The following RANBP17 variants were observed in gnomAD, a reference collection of about 807,000 sequenced individuals.
RANBP17 encodes RAN binding protein 17, also known as ran-binding protein 17.
RANBP17 carries 158 observed loss-of-function variants against 141.2 expected under a neutral mutation model. That is an observed-to-expected ratio of 1.12 (90% CI 0.98 to 1.28). The LOEUF is 1.28. RANBP17 is among the 50% of genes most tolerant of loss of function. The probability of loss-of-function intolerance (pLI) is 0.00; values close to 1 mark genes in which losing one functional copy is unlikely to be tolerated. For missense variants in RANBP17, 1,438 were observed against 1,290.7 expected (o/e 1.11, Z -1.75); for synonymous variants, 430 against 450.0 (o/e 0.96, Z 0.56).
At chr5:170,933,503 G>A (rs574171238) in intron 12 of RANBP17, among the ~76,000 whole-genome samples, 26 of 152,248 alleles carry the variant, frequency 1.7e-4, no homozygotes, top group African/African-American at 6.0e-4. Context: ...TAATTGTGAT[G>A]TTAGGGTGTC....
intron 14 of RANBP17, among the ~76,000 whole-genome samples, chr5:171,050,724 A>G (rs1782901579): frequency 6.6e-6 from 1 of 152,096 alleles, no homozygotes; most frequent in African/African-American, 2.4e-5. Flanking sequence ...ATATTGTTAC[A>G]TTTATTTAAA....
chr5:170,945,941 G>A lies in RANBP17; in HGVS notation c.1469-7656G>A, dbSNP rs551883460. ...GGTTAGGACTCATAATGTGTTAAAC[G>A]CTTAAGAGATTGTTGGATTATAAGA... On this transcript the variant is annotated intron_variant, in intron 12 of 27. Transcript: ENST00000523189. 2.6e-5 allele frequency among the ~76,000 whole-genome samples: 4 copies of A among 152,202 alleles called. No homozygotes were observed. In the South Asian group the frequency reaches 8.3e-4, roughly 32 times the overall value.
At chr5:171,129,669 A>T (rs917374515) in intron 14 of RANBP17, among the ~76,000 whole-genome samples, 1 of 152,234 alleles carries the variant, frequency 6.6e-6, no homozygotes, top group African/African-American at 2.4e-5. Flanking sequence ...CTGCGAAATT[A>T]TGTCACAGAA....
At chr5:171,038,162 T>TTTTGTG (rs1554085878) in intron 14 of RANBP17, among the ~76,000 whole-genome samples, 241 of 144,838 alleles carry the variant, frequency 1.7e-3, no homozygotes, top group African/African-American at 5.3e-3. Flanking sequence ...TTCTTAGGTA[T>TTTTGTG]TGTGTGTGTG....
At chr5:171,121,706 A>G (rs1044403812) in intron 14 of RANBP17, among the ~76,000 whole-genome samples, 2 of 151,902 alleles carry the variant, frequency 1.3e-5, no homozygotes, top group Admixed American at 1.3e-4. Flanking sequence ...AGTCACTGCC[A>G]CTCCTGGGAC....
chr5:171,079,049 A>G (rs1330124001), intron 14 of RANBP17, among the ~76,000 whole-genome samples: 2 of 152,242 alleles, frequency 1.3e-5, no homozygotes, highest in East Asian at 1.9e-4. Flanking sequence ...CATTCTGGAT[A>G]CCACTAAGAA....
At chr5:170,868,062 G>A (rs1767419740) in intron 1 of RANBP17, among the ~76,000 whole-genome samples, 1 of 152,108 alleles carries the variant, frequency 6.6e-6, no homozygotes, top group African/African-American at 2.4e-5. Flanking sequence ...GCATTCACCT[G>A]TTGATAGTTA....
intron 14 of RANBP17, among the ~76,000 whole-genome samples, chr5:171,163,970 C>G (rs938502809): frequency 2.0e-5 from 3 of 152,134 alleles, no homozygotes; most frequent in Admixed American, 2.0e-4. Flanking sequence ...TATTAACTTA[C>G]TATAATTTTC....
intron 24 of RANBP17, among the ~76,000 whole-genome samples, chr5:171,255,536 C>T (rs12658872): frequency 0.54 from 81,779 of 151,936 alleles, 23,766 homozygotes; most frequent in Middle Eastern, 0.7. Context: ...CACATCTACA[C>T]CATACTTCAT....
At chr5:170,956,866 T>G (rs1164027303) in intron 13 of RANBP17, among the ~76,000 whole-genome samples, 1 of 151,656 alleles carries the variant, frequency 6.6e-6, no homozygotes, top group East Asian at 2.0e-4. Flanking sequence ...GGTCAGGAGA[T>G]CGAGACCATC....
chr5:171,009,789 A>G (rs141001938), intron 14 of RANBP17, among the ~76,000 whole-genome samples: 1 of 152,190 alleles, frequency 6.6e-6, no homozygotes, highest in African/African-American at 2.4e-5. Flanking sequence ...TGCTGATAAC[A>G]ATTATAACCT....
intron 14 of RANBP17, among the ~76,000 whole-genome samples, chr5:171,065,303 G>T (rs535105216): frequency 3.9e-5 from 6 of 152,056 alleles, no homozygotes; most frequent in East Asian, 1.9e-4. Flanking sequence ...AGAATGGGGG[G>T]GTGGGGTGAA....
intron 14 of RANBP17, chr5:171,028,993 A>G: frequency 8.1e-7 from 1 of 1,232,980 alleles, no homozygotes; most frequent in Non-Finnish European, 1.1e-6. Context: ...GGTCCAGGTG[A>G]GGGCAAGTCA....
At chr5:170,902,672 C>T (rs1339776901) in intron 5 of RANBP17, among the ~76,000 whole-genome samples, 3 of 152,172 alleles carry the variant, frequency 2.0e-5, no homozygotes, top group African/African-American at 7.2e-5. Flanking sequence ...TACCTTTGGT[C>T]TTTGATGTTG....
chr5:171,137,950 G>GAGAT (rs1554103881), intron 14 of RANBP17, among the ~76,000 whole-genome samples: 1 of 144,794 alleles, frequency 6.9e-6, no homozygotes, highest in Non-Finnish European at 1.5e-5. Flanking sequence ...TGATATATGA[G>GAGAT]ATATATATAT....
chr5:171,086,595 G>T (rs1200839709), intron 14 of RANBP17, among the ~76,000 whole-genome samples: 7 of 144,032 alleles, frequency 4.9e-5, no homozygotes, highest in Non-Finnish European at 1.1e-4. Flanking sequence ...TCTGGTCCTG[G>T]ACTCTTTTTG....
intron 14 of RANBP17, among the ~76,000 whole-genome samples, chr5:171,160,580 T>G (rs1297617672): frequency 6.6e-6 from 1 of 152,156 alleles, no homozygotes; most frequent in East Asian, 1.9e-4. Flanking sequence ...AATTACTTAG[T>G]AAGTGGCAGA....
At chr5:171,044,164 C>T (rs975429997) in intron 14 of RANBP17, among the ~76,000 whole-genome samples, 40 of 151,914 alleles carry the variant, frequency 2.6e-4, no homozygotes, top group African/African-American at 8.7e-4. Context: ...GCTTTCTTTC[C>T]CCTGGTGCCT....
At chr5:170,911,667 G>A (rs1366013165) in intron 7 of RANBP17, among the ~76,000 whole-genome samples, 1 of 151,870 alleles carries the variant, frequency 6.6e-6, no homozygotes, top group African/African-American at 2.4e-5. Flanking sequence ...TCAGTATGAA[G>A]GGTCATCATG....
Sources: allele counts gnomAD v4.1 joint callset (sites outside exome capture counted in the v4.1 genomes callset), GRCh38; gene constraint gnomAD v4.1.1; transcripts MANE v1.5; gene names NCBI Gene and HGNC (gene_info 2026-07-23, HGNC 2026-07-21).